TRIM7: variants seen among roughly 807,000 people sequenced by gnomAD.
TRIM7 encodes tripartite motif containing 7, also known as E3 ubiquitin-protein ligase TRIM7.
In TRIM7, 32 loss-of-function variants were observed where a neutral mutation model predicts 37.9. The ratio of observed to expected loss-of-function variants is 0.84; its 90% CI spans 0.64 to 1.13. TRIM7 has a LOEUF of 1.13. TRIM7 is among the 50% of genes most tolerant of loss of function. TRIM7 has a pLI of 0.00. For synonymous variants in TRIM7, 351 were observed against 321.3 expected (o/e 1.09, Z -0.99); for missense variants, 732 against 714.0 (o/e 1.03, Z -0.29).
chr5:181,195,456 C>T lies in TRIM7; in HGVS notation c.1246G>A (p.Glu416Lys). 1 of 1,610,994 alleles carries T rather than the reference C, an allele frequency of 6.2e-7. No individual in the cohort carries two copies. The highest frequency in any genetic ancestry group is 8.5e-7 in the Non-Finnish European group (1 of 1,179,104). Residue 416 changes from glutamate to lysine, a missense_variant, in exon 7 of 7, where the codon GAG becomes AAG. Transcript: ENST00000274773. The part of the protein sequence containing the change: ...KDGWAFGVAR[E>K]SVRRKGLTPF... ...GTCAGGCCCTTTCGGCGCACGCTCT[C>T]GCGGGCCACGCCAAAGGCCCAGCCG...
Position 181,195,236 on chromosome 5 carries a change from T to G in TRIM7, c.1466A>C (p.Asn489Thr). 1 of 1,613,142 alleles carries G rather than the reference T, an allele frequency of 6.2e-7. No individual in the cohort carries two copies. The highest frequency in any genetic ancestry group is 8.5e-7 in the Non-Finnish European group (1 of 1,179,642). Residue 489 changes from asparagine to threonine, a missense_variant, in exon 7 of 7, where the codon AAC becomes ACC. Physicochemically the swap from Asn to Thr is moderately conservative, Grantham distance 65. Transcript: ENST00000274773. ...AAGCGGGAACACGCGCTCCTGGAAG[T>G]TGACGCGGAAGGTGTAGAGGTGGCG... ...DMRHLYTFRVNFQERVFPLFS... is the reference protein window; with the variant it reads ...DMRHLYTFRVTFQERVFPLFS...
At position 181,199,134 on chromosome 5, in the gene TRIM7, A is replaced by T; in HGVS notation, c.850-17T>A. On this transcript the variant is annotated splice_polypyrimidine_tract_variant and intron_variant, in intron 3 of 6. Transcript: ENST00000274773. ...TTTGAATTCCTGGAAGGAAAGATAGAGGAAACCAAATCAGCATCAGGTAAC... is the reference window on the plus strand; with the variant it reads ...TTTGAATTCCTGGAAGGAAAGATAGTGGAAACCAAATCAGCATCAGGTAAC... The T allele has an allele frequency of 1.9e-6, 3 of 1,614,216 alleles. No homozygotes were observed. Among genetic ancestry groups the T allele is most frequent in the Non-Finnish European group, 2.5e-6 (3 of 1,180,026 alleles).
intron 2 of TRIM7, 152 bp from the exon 3 acceptor site, chr5:181,200,233 T>A: frequency 2.0e-6 from 3 of 1,524,222 alleles, no homozygotes; most frequent in Non-Finnish European, 2.6e-6. Flanking sequence ...CGTGCTCTAT[T>A]GTCAGTGTCC....
intron 3 of TRIM7, 122 bp from the exon 4 acceptor site, chr5:181,199,239 A>G: frequency 2.5e-6 from 3 of 1,185,052 alleles, no homozygotes; most frequent in Non-Finnish European, 3.8e-6. Flanking sequence ...GCCACGCCTC[A>G]CTGCCTGCGT....
At chr5:181,201,886 T>C (rs1207580546) in intron 2 of TRIM7, among the ~76,000 whole-genome samples, 1 of 152,178 alleles carries the variant, frequency 6.6e-6, no homozygotes. Context: ...GGTTCCTGGA[T>C]GTCAACCAGT....
At chr5:181,200,358 C>A in intron 2 of TRIM7, 4 of 1,404,270 alleles carry the variant, frequency 2.8e-6, no homozygotes, top group Non-Finnish European at 9.2e-7. Context: ...GCTTCATACT[C>A]CCCCCAGAAC....
chr5:181,195,008 GTCAC>G lies in TRIM7; in HGVS notation c.*154_*157del. On this transcript the variant is annotated 3_prime_UTR_variant, in exon 7 of 7. Transcript: ENST00000274773. ...CTGTTCCCCTGCTCGGTTGGCCACA[GTCAC>G]TCTCCTGCCTCGGGGTTGTGTCTGT... 1 of 915,738 alleles carries G rather than the reference GTCAC, an allele frequency of 1.1e-6. No individual in the cohort carries two copies. Among genetic ancestry groups the G allele is most frequent in the South Asian group, 1.8e-5 (1 of 54,172 alleles). 56.7% of individuals were successfully genotyped at this position (915,738 alleles called of 1,614,324 possible).
At chr5:181,203,306 A>G in intron 2 of TRIM7, 1 of 1,327,420 alleles carries the variant, frequency 7.5e-7, no homozygotes, top group Non-Finnish European at 9.6e-7. Flanking sequence ...TCGCTGGGAC[A>G]GCTCCAGTTT....
chr5:181,196,703 G>A (rs1373524819), intron 6 of TRIM7: 1 of 152,238 alleles, frequency 6.6e-6, no homozygotes, highest in East Asian at 1.9e-4. Flanking sequence ...TCACTCCAGA[G>A]TAAGACCCTG....
chr5:181,199,920 G>A lies in TRIM7; in HGVS notation c.780C>T (p.Ile260=), dbSNP rs1757368699. 1 of 1,614,252 alleles carries A rather than the reference G, an allele frequency of 6.2e-7. No homozygotes were observed. The highest frequency in any genetic ancestry group is 1.3e-5 in the African/African-American group (1 of 75,062). ...GGCTGCTGAGCTTGGACAGCTGGGT[G>A]ATCTCAACCCCGAGCTGGGCCAGGT... The part of the protein sequence containing the change: ...NENLAQLGVE[I]TQLSKLSSQI... Residue 260 remains isoleucine (I), a synonymous_variant, in exon 3 of 7, where the codon ATC becomes ATT. Coordinates refer to ENST00000274773, the MANE Select transcript of TRIM7 (RefSeq NM_203293.3).
chr5:181,198,845 T>C, intron 4 of TRIM7, 40 bp from the exon 5 acceptor site: 1 of 1,496,666 alleles, frequency 6.7e-7, no homozygotes, highest in Non-Finnish European at 9.2e-7. Flanking sequence ...GTGTGCACCA[T>C]TTTGCTCCCA....
chr5:181,198,949 A>G, intron 4 of TRIM7, 144 bp from the exon 5 acceptor site: 1 of 1,222,186 alleles, frequency 8.2e-7, no homozygotes, highest in South Asian at 1.3e-5. Context: ...ATGGCCAGGC[A>G]GGTGGGCGTT....
chr5:181,204,550 G>A, intron 1 of TRIM7, 39 bp downstream of exon 1: 3 of 1,330,646 alleles, frequency 2.3e-6, no homozygotes, highest in Non-Finnish European at 2.9e-6. Flanking sequence ...AAGTCAGGGG[G>A]TCCCGGGGAC....
intron 4 of TRIM7, 86 bp downstream of exon 4, chr5:181,199,009 G>C: frequency 6.4e-7 from 1 of 1,553,044 alleles, no homozygotes; most frequent in Non-Finnish European, 8.9e-7. Context: ...GGAGGTGAGA[G>C]GTCAGGGGAC....
rs1757454576 is a variant in TRIM7 at position 181,201,034 on chromosome 5, A to G, written c.619-953T>C. On this transcript the variant is annotated intron_variant, in intron 2 of 6. Coordinates refer to ENST00000274773, the MANE Select transcript of TRIM7 (RefSeq NM_203293.3). ...TCTTACAGGTGAGGAGACAAAAGAC[A>G]GACACATCACCAGGAAGTGTTAAGC... 4 of 488,924 alleles carry G rather than the reference A, an allele frequency of 8.2e-6. No individual in the cohort carries two copies. The Admixed American group carries it at 1.9e-4, about 23-fold the overall frequency. The allele number at this position is 488,924 out of a possible 1,614,324, so 30.3% of individuals were successfully genotyped here.
In TRIM7 at chr5:181,199,307, A is replaced by G. The variant is rs1197541578; in HGVS notation, c.850-190T>C. On this transcript the variant is annotated intron_variant, in intron 3 of 6. Transcript: ENST00000274773. Reference sequence around the variant, plus strand: ...TGGCTGCAGGGTGTCTCACCCACGCAGTGGACCTCTCACCCTTTGCCACAA... The same window carrying G: ...TGGCTGCAGGGTGTCTCACCCACGCGGTGGACCTCTCACCCTTTGCCACAA... 5 of 642,226 alleles carry G rather than the reference A, an allele frequency of 7.8e-6. No individual in the cohort carries two copies. The East Asian group carries it at 1.1e-4, about 14-fold the overall frequency. The allele number at this position is 642,226 out of a possible 1,614,324, so 39.8% of individuals were successfully genotyped here.
At position 181,198,068 on chromosome 5, in the gene TRIM7, A is replaced by C. The variant is rs10056504; in HGVS notation, c.1024+115T>G. The C allele has an allele frequency of 5.0e-3, 5,400 of 1,076,574 alleles. 181 individuals carry two copies. In the African/African-American group the frequency reaches 0.071, roughly 14 times the overall value. The allele number at this position is 1,076,574 out of a possible 1,614,324, so 66.7% of individuals were successfully genotyped here. A position where few individuals can be genotyped will look rare whatever the true frequency, so the allele number is the denominator to read the frequency against. On this transcript the variant is annotated intron_variant, in intron 6 of 6. Transcript: ENST00000274773. ...AGGGGACAGAGGAACAGGGTTGCTG[A>C]GGTGGGTGGGCTGAAGGAACCGACC...
rs1378631401 is a variant in TRIM7 at position 181,200,916 on chromosome 5, C to T, written c.619-835G>A. ...AATGCCCCCACCTTTCCTTCAGCTT[C>T]CAGGCAGGCTGCAGTAGCCTGGAGC... On this transcript the variant is annotated intron_variant, in intron 2 of 6. Coordinates refer to ENST00000274773, the MANE Select transcript of TRIM7 (RefSeq NM_203293.3). The T allele has an allele frequency of 4.1e-6, 4 of 985,428 alleles. No homozygotes were observed. In the African/African-American group the frequency reaches 7.0e-5, roughly 17 times the overall value. 61.0% of individuals were successfully genotyped at this position (985,428 alleles called of 1,614,324 possible).
intron 4 of TRIM7, 69 bp downstream of exon 4, chr5:181,199,026 T>C: frequency 6.3e-7 from 1 of 1,597,484 alleles, no homozygotes; most frequent in Middle Eastern, 1.7e-4. Context: ...GGACAGGGAA[T>C]AAAGACAAGG....
Sources: gnomAD v4.1 joint callset for allele counts (sites outside exome capture counted in the v4.1 genomes callset) on GRCh38, gnomAD v4.1.1 for gene constraint, MANE v1.5 for transcripts, NCBI Gene and HGNC (gene_info 2026-07-23, HGNC 2026-07-21) for gene names.